The following ST3GAL1 variants were observed in gnomAD, a reference collection of about 807,000 sequenced individuals.
The protein encoded by ST3GAL1 is CMP-N-acetylneuraminate-beta-galactosamide-alpha-2,3-sialyltransferase 1.
ST3GAL1 carries 16 observed loss-of-function variants against 34.1 expected under a neutral mutation model. That is an observed-to-expected ratio of 0.47 (90% CI 0.32 to 0.71). ST3GAL1 has a LOEUF of 0.71. ST3GAL1 is among the 30% of genes least tolerant of loss of function. The pLI is 0.04. For missense variants in ST3GAL1, 353 were observed against 447.4 expected (o/e 0.79, Z 1.90); for synonymous variants, 191 against 184.7 (o/e 1.03, Z -0.28).
At chr8:133,549,246 C>A (rs572841414) in intron 1 of ST3GAL1, among the ~76,000 whole-genome samples, 5 of 151,160 alleles carry the variant, frequency 3.3e-5, no homozygotes, top group African/African-American at 1.2e-4. Context: ...ACTAAAAATG[C>A]AAAAAATTAG....
chr8:133,518,214 G>A (rs1429240072), intron 2 of ST3GAL1, among the ~76,000 whole-genome samples: 1 of 152,214 alleles, frequency 6.6e-6, no homozygotes, highest in South Asian at 2.1e-4. Context: ...ACCAGCTTGA[G>A]GGTGGGTCCT....
At chr8:133,506,855 C>T (rs1050949546) in intron 2 of ST3GAL1, among the ~76,000 whole-genome samples, 1 of 150,156 alleles carries the variant, frequency 6.7e-6, no homozygotes, top group East Asian at 2.0e-4. Flanking sequence ...TTTGGGAGGC[C>T]GAGGTGGGTG....
Position 133,469,610 on chromosome 8 carries a change from T to A in ST3GAL1, c.307-3520A>T, listed in dbSNP as rs1468343089. On this transcript the variant is annotated intron_variant, in intron 5 of 9. Transcript: ENST00000522652. This position sits in a 1 kb window ranked among gnomAD's most constrained non-coding sequence, Gnocchi z 4.3. Reference sequence around the variant, plus strand: ...TACCTGGCAGAAGTAAAATGGTAGTTGTACAATGCAATGAAAACAAAACTA... The same window carrying A: ...TACCTGGCAGAAGTAAAATGGTAGTAGTACAATGCAATGAAAACAAAACTA... 2.6e-5 allele frequency among the ~76,000 whole-genome samples: 4 copies of A among 152,218 alleles called. No individual in the cohort carries two copies. The highest frequency in any genetic ancestry group is 9.7e-5 in the African/African-American group (4 of 41,450).
intron 2 of ST3GAL1, among the ~76,000 whole-genome samples, chr8:133,503,138 C>T (rs983075328): frequency 5.9e-5 from 9 of 152,178 alleles, no homozygotes; most frequent in African/African-American, 1.9e-4. Flanking sequence ...TCACTTGTAA[C>T]GAACAAGAAA....
Position 133,476,001 on chromosome 8 carries a change from G to T in ST3GAL1, c.24C>A (p.Thr8=), listed in dbSNP as rs1029352326. MVTLRKR[T]LKVLTFLVLF... ...GCACGAGGAAGGTGAGCACTTTCAGGGTCCTCTTCCGCAGGGTCACCATCT... is the reference window on the plus strand; with the variant it reads ...GCACGAGGAAGGTGAGCACTTTCAGTGTCCTCTTCCGCAGGGTCACCATCT... The change falls in exon 5 of 10, where the codon ACC becomes ACA. Residue 8 remains threonine (T), a synonymous_variant. Coordinates refer to ENST00000522652, the MANE Select transcript of ST3GAL1 (RefSeq NM_173344.3). 5 of 1,603,026 alleles carry T rather than the reference G, an allele frequency of 3.1e-6. No homozygotes were observed. Among genetic ancestry groups the T allele is most frequent in the Middle Eastern group, 3.3e-4 (2 of 6,008 alleles).
At chr8:133,543,202 T>C (rs559431511) in intron 2 of ST3GAL1, among the ~76,000 whole-genome samples, 1 of 152,306 alleles carries the variant, frequency 6.6e-6, no homozygotes, top group African/African-American at 2.4e-5. Context: ...GGAGGAAACA[T>C]CAGAAAAGCC....
chr8:133,485,640 A>G (rs996505805), intron 3 of ST3GAL1, among the ~76,000 whole-genome samples: 3 of 152,194 alleles, frequency 2.0e-5, no homozygotes, highest in African/African-American at 7.2e-5. Context: ...AGAAAACCAG[A>G]TGCCCAAGTC....
intron 2 of ST3GAL1, among the ~76,000 whole-genome samples, chr8:133,535,414 T>C (rs1288927565): frequency 1.3e-5 from 2 of 152,248 alleles, no homozygotes; most frequent in East Asian, 3.8e-4. Context: ...TTTTTGTTGT[T>C]ATTGTCTTTA....
intron 2 of ST3GAL1, among the ~76,000 whole-genome samples, chr8:133,525,112 C>G (rs1817928651): frequency 6.6e-6 from 1 of 152,226 alleles, no homozygotes; most frequent in Non-Finnish European, 1.5e-5. Context: ...ATGCAGACAA[C>G]TGGAGGGTGA....
chr8:133,497,324 A>G (rs1816981872), intron 3 of ST3GAL1, among the ~76,000 whole-genome samples: 2 of 152,252 alleles, frequency 1.3e-5, no homozygotes. Flanking sequence ...TTGAGAACAC[A>G]TGCAAAGCAA....
rs1275340480 is a variant in ST3GAL1, at chr8:133,455,328, A to G, written c.*4436T>C. ...GCTGGGAGGGAGGACAGGAGGTGTAAAGGTGGCTCACCTTCCCCTAGGAAA... is the reference window on the plus strand; with the variant it reads ...GCTGGGAGGGAGGACAGGAGGTGTAGAGGTGGCTCACCTTCCCCTAGGAAA... On this transcript the variant is annotated 3_prime_UTR_variant, in exon 10 of 10. Coordinates refer to ENST00000522652, the MANE Select transcript of ST3GAL1 (RefSeq NM_173344.3). The G allele has an allele frequency of 6.6e-6, 1 of 152,374 alleles. No homozygotes were observed. Among genetic ancestry groups the G allele is most frequent in the African/African-American group, 2.4e-5 (1 of 41,414 alleles). 9.4% of individuals were successfully genotyped at this position (152,374 alleles called of 1,614,324 possible). A position where few individuals can be genotyped will look rare whatever the true frequency, so the allele number is the denominator to read the frequency against.
At chr8:133,495,848 C>G (rs897235886) in intron 3 of ST3GAL1, among the ~76,000 whole-genome samples, 1 of 152,162 alleles carries the variant, frequency 6.6e-6, no homozygotes, top group Non-Finnish European at 1.5e-5. Context: ...TTTTGAACTG[C>G]GAATAATAAA....
At chr8:133,538,169 G>T (rs571174792) in intron 2 of ST3GAL1, among the ~76,000 whole-genome samples, 2 of 152,290 alleles carry the variant, frequency 1.3e-5, no homozygotes, top group Admixed American at 6.5e-5. Context: ...CCATGTTTTT[G>T]TTTTTTGCTG....
chr8:133,523,061 T>G (rs919643213), intron 2 of ST3GAL1, among the ~76,000 whole-genome samples: 1 of 152,160 alleles, frequency 6.6e-6, no homozygotes, highest in African/African-American at 2.4e-5. Context: ...CTCAATTCAC[T>G]TCTAATTTCA....
intron 3 of ST3GAL1, among the ~76,000 whole-genome samples, chr8:133,492,534 C>T (rs1816815796): frequency 6.6e-6 from 1 of 152,098 alleles, no homozygotes. Context: ...CCAGCCTGGC[C>T]AACATGGTGA....
At chr8:133,502,744 A>G (rs1296070484) in intron 2 of ST3GAL1, among the ~76,000 whole-genome samples, 2 of 152,254 alleles carry the variant, frequency 1.3e-5, no homozygotes, top group Admixed American at 1.3e-4. Context: ...TGAAGGCCAT[A>G]TGACTACAAC....
chr8:133,473,276 A>G lies in ST3GAL1; in HGVS notation c.306+2443T>C, dbSNP rs551189661. Reference sequence around the variant, plus strand: ...GTGATACTCTCTAATAACAGTTTTTAATACGGTATTTCCAGAGGTTGGATT... The same window carrying G: ...GTGATACTCTCTAATAACAGTTTTTGATACGGTATTTCCAGAGGTTGGATT... On this transcript the variant is annotated intron_variant, in intron 5 of 9. Coordinates refer to ENST00000522652, the MANE Select transcript of ST3GAL1 (RefSeq NM_173344.3). Among the ~76,000 whole-genome samples, 116 of 152,292 alleles carry G rather than the reference A, an allele frequency of 7.6e-4. 4 individuals carry two copies. The South Asian group carries it at 0.023, about 31-fold the overall frequency.
At position 133,545,809 on chromosome 8, in the gene ST3GAL1, C is replaced by CA. The variant is rs1284956479; in HGVS notation, c.-465dup. 6.6e-6 allele frequency: 1 copy of CA among 152,300 alleles called. No homozygotes were observed. The highest frequency in any genetic ancestry group is 6.5e-5 in the Admixed American group (1 of 15,296). The allele number at this position is 152,300 out of a possible 1,614,324, so 9.4% of individuals were successfully genotyped here. On this transcript the variant is annotated 5_prime_UTR_variant, in exon 2 of 10. Transcript: ENST00000522652. ...TGAGTGACCGTCCATCTCTGGTCCC[C>CA]AAATGGAATTGTCCTGACCCAAGCT...
At chr8:133,562,332 CCCGAGTAGCTGGG>C in intron 1 of ST3GAL1, among the ~76,000 whole-genome samples, 1 of 151,990 alleles carries the variant, frequency 6.6e-6, no homozygotes, top group Middle Eastern at 3.4e-3. Context: ...ACCTCAGCCT[CCCGAGTAGCTGGG>C]ACTACAGGCA....
Sources: gnomAD v4.1 joint callset for allele counts (sites outside exome capture counted in the v4.1 genomes callset) on GRCh38, gnomAD v4.1.1 for gene constraint, Gnocchi (gnomAD v3.1) non-coding constraint, MANE v1.5 for transcripts, NCBI Gene and HGNC (gene_info 2026-07-23, HGNC 2026-07-21) for gene names.